METTL4: variants seen among roughly 807,000 people sequenced by gnomAD.
METTL4 encodes methyltransferase 4, N6-adenosine.
Under a neutral mutation model 54.0 loss-of-function variants are expected in METTL4, and 40 were observed. The observed-to-expected ratio is 0.74, with a 90% CI of 0.58 to 0.96. METTL4 has a LOEUF of 0.96. METTL4 is among the 50% of genes least tolerant of loss of function. METTL4 has a pLI of 0.00. For synonymous variants in METTL4, 169 were observed against 183.8 expected (o/e 0.92, Z 0.65); for missense variants, 525 against 549.0 (o/e 0.96, Z 0.44).
At chr18:2,570,211 C>G (rs1416428747) in intron 1 of METTL4, among the ~76,000 whole-genome samples, 1 of 152,130 alleles carries the variant, frequency 6.6e-6, no homozygotes, top group African/African-American at 2.4e-5. Flanking sequence ...ACCAAAAGAA[C>G]CTTGAATTTG....
At chr18:2,540,574 G>A (rs1276932325) in intron 8 of METTL4, 1 of 985,310 alleles carries the variant, frequency 1.0e-6, no homozygotes, top group Non-Finnish European at 1.2e-6. Context: ...TATAATTCAA[G>A]TGAACTCAAA....
At chr18:2,559,423 C>T (rs761687730) in intron 3 of METTL4, among the ~76,000 whole-genome samples, 18 of 147,732 alleles carry the variant, frequency 1.2e-4, no homozygotes, top group Admixed American at 2.1e-4. Context: ...AAGTAGAATA[C>T]TAGTTACCAG....
intron 1 of METTL4, among the ~76,000 whole-genome samples, 160 bp downstream of exon 1, chr18:2,570,989 C>T (rs914714042): frequency 2.0e-5 from 3 of 152,202 alleles, no homozygotes; most frequent in African/African-American, 4.8e-5. Context: ...CGCCCGCCCC[C>T]AAACACTTGG....
intron 2 of METTL4, 69 bp from the exon 3 acceptor site, chr18:2,563,928 T>G: frequency 1.0e-6 from 1 of 970,784 alleles, no homozygotes; most frequent in Non-Finnish European, 1.6e-6. Context: ...CATTATAACA[T>G]TATTTATGTC....
At chr18:2,552,518 T>C (rs1299512062) in intron 5 of METTL4, among the ~76,000 whole-genome samples, 177 bp downstream of exon 5, 6 of 152,172 alleles carry the variant, frequency 3.9e-5, no homozygotes, top group East Asian at 3.8e-4. Flanking sequence ...TACACTTATA[T>C]ATAGTTACAG....
intron 8 of METTL4, chr18:2,540,336 T>G: frequency 1.0e-6 from 1 of 982,356 alleles, no homozygotes; most frequent in Non-Finnish European, 1.2e-6. Context: ...AAAATATGGT[T>G]CATAATTGCT....
At chr18:2,557,624 C>T (rs779486789) in intron 3 of METTL4, among the ~76,000 whole-genome samples, 2 of 152,166 alleles carry the variant, frequency 1.3e-5, no homozygotes, top group Non-Finnish European at 2.9e-5. Context: ...GATGAGAGTT[C>T]CCTAAGCTTG....
At chr18:2,550,316 A>G (rs1302900381) in intron 5 of METTL4, among the ~76,000 whole-genome samples, 1 of 152,212 alleles carries the variant, frequency 6.6e-6, no homozygotes, top group Non-Finnish European at 1.5e-5. Flanking sequence ...TAAAATATGC[A>G]TATTTATGTG....
In METTL4 at chr18:2,567,157, G is replaced by C; in HGVS notation, c.60C>G (p.Asn20Lys). The change falls in exon 2 of 9, where the codon AAC becomes AAG. Residue 20 changes from asparagine (N) to lysine (K), a missense_variant. Physicochemically the swap from Asn to Lys is moderately conservative, Grantham distance 94. Coordinates refer to ENST00000574538, the MANE Select transcript of METTL4 (RefSeq NM_022840.5). The part of the protein sequence containing the change: ...GWLLDHLSFI[N>K]KINYQLHQHH... ...GCTGGTGAAGTTGATAGTTTATCTT[G>C]TTGATAAAAGAAAGATGATCCAGTA... 6.2e-7 allele frequency: 1 copy of C among 1,613,808 alleles called. No homozygotes were observed. Among genetic ancestry groups the C allele is most frequent in the Non-Finnish European group, 8.5e-7 (1 of 1,179,806 alleles).
chr18:2,539,736 C>G, intron 8 of METTL4: 1 of 679,944 alleles, frequency 1.5e-6, no homozygotes, highest in Admixed American at 6.3e-5. Flanking sequence ...CTCGCCTCGG[C>G]CTCCCAAAGT....
At chr18:2,552,431 T>C (rs1237804205) in intron 5 of METTL4, among the ~76,000 whole-genome samples, 1 of 152,138 alleles carries the variant, frequency 6.6e-6, no homozygotes, top group Non-Finnish European at 1.5e-5. Context: ...AGAAGACAAA[T>C]ATGTTGTCCT....
chr18:2,554,629 A>T, intron 4 of METTL4, 40 bp downstream of exon 4: 2 of 1,566,716 alleles, frequency 1.3e-6, no homozygotes, highest in Non-Finnish European at 1.7e-6. Context: ...GCCCACGGAA[A>T]AATTATCTTT....
At chr18:2,561,929 A>G (rs2072326111) in intron 3 of METTL4, 1 of 152,176 alleles carries the variant, frequency 6.6e-6, no homozygotes, top group Non-Finnish European at 1.5e-5. Flanking sequence ...AAATAAGTGT[A>G]TTTCCAAAAT....
chr18:2,549,819 T>TAAAAAAAAAAAA (rs397758263), intron 5 of METTL4, among the ~76,000 whole-genome samples: 2 of 79,064 alleles, frequency 2.5e-5, no homozygotes, highest in African/African-American at 4.5e-5. Context: ...CCATCTCTAC[T>TAAAAAAAAAAAA]AAAAAAAAAA....
At chr18:2,545,895 T>C (rs2072062648) in intron 6 of METTL4, among the ~76,000 whole-genome samples, 3 of 152,122 alleles carry the variant, frequency 2.0e-5, no homozygotes. Flanking sequence ...AATTCTGGTC[T>C]TATCATACCA....
rs977442889 is a variant in METTL4 at position 2,554,687 on chromosome 18, T to C, written c.811A>G (p.Met271Val). 2 of 1,605,222 alleles carry C rather than the reference T, an allele frequency of 1.2e-6. No homozygotes were observed. The highest frequency in any genetic ancestry group is 2.7e-5 in the African/African-American group (2 of 73,816). ...TACTTACAGTTTAGAAGTGGTTGCA[T>C]ACAAGAAATGTCAGATAAAAGAAAA... ...SSFLLSDISC[M>V]QPLLNYRKTF... The change falls in exon 4 of 9, where the codon ATG becomes GTG. Residue 271 changes from methionine to valine, a missense_variant. By Grantham distance (21) the Met-to-Val change is conservative. Coordinates refer to ENST00000574538, the MANE Select transcript of METTL4 (RefSeq NM_022840.5).
intron 3 of METTL4, among the ~76,000 whole-genome samples, chr18:2,558,780 G>GA (rs1418285993): frequency 1.3e-5 from 2 of 151,222 alleles, no homozygotes; most frequent in Non-Finnish European, 2.9e-5. Flanking sequence ...AACTCAACAA[G>GA]AAAAAAAACA....
At chr18:2,550,207 G>A (rs1251205094) in intron 5 of METTL4, among the ~76,000 whole-genome samples, 1 of 152,084 alleles carries the variant, frequency 6.6e-6, no homozygotes, top group African/African-American at 2.4e-5. Context: ...CAGATTCCTT[G>A]ATTGCCTTAA....
chr18:2,569,289 C>A (rs2072466923), intron 1 of METTL4, among the ~76,000 whole-genome samples: 1 of 152,166 alleles, frequency 6.6e-6, no homozygotes, highest in Non-Finnish European at 1.5e-5. Flanking sequence ...ATGATACTAA[C>A]TTTTTTGTCC....
Sources: allele counts gnomAD v4.1 joint callset (sites outside exome capture counted in the v4.1 genomes callset), GRCh38; gene constraint gnomAD v4.1.1; transcripts MANE v1.5; gene names NCBI Gene and HGNC (gene_info 2026-07-23, HGNC 2026-07-21).